ADAMTS20: variants seen among roughly 807,000 people sequenced by gnomAD.
The protein encoded by ADAMTS20 is ADAM metallopeptidase with thrombospondin type 1 motif 20.
Under a neutral mutation model 260.1 loss-of-function variants are expected in ADAMTS20, and 225 were observed. The observed-to-expected ratio is 0.87, with a 90% confidence interval of 0.78 to 0.97. The LOEUF (loss-of-function observed/expected upper bound fraction) is 0.97, where lower values mean the gene tolerates loss of function less well. ADAMTS20 is among the 50% of genes least tolerant of loss of function. The pLI is 0.00. For missense variants in ADAMTS20, 2,400 were observed against 2,337.7 expected (o/e 1.03, Z -0.55); for synonymous variants, 802 against 769.5 (o/e 1.04, Z -0.70).
At chr12:43,525,019 A>C (rs188299157) in intron 3 of ADAMTS20, among the ~76,000 whole-genome samples, 1 of 152,360 alleles carries the variant, frequency 6.6e-6, no homozygotes, top group East Asian at 1.9e-4. Flanking sequence ...AAAATACAAG[A>C]AGCTCAAAGC....
chr12:43,499,158 A>G (rs955950405), intron 4 of ADAMTS20, among the ~76,000 whole-genome samples: 3 of 152,062 alleles, frequency 2.0e-5, no homozygotes, highest in African/African-American at 7.2e-5. Flanking sequence ...CTCCTACCCC[A>G]CTTATATTTG....
rs1939687187 is a variant in ADAMTS20 at position 43,353,900 on chromosome 12, C to T, written c.*309G>A. 1 of 190,970 alleles carries T rather than the reference C, an allele frequency of 5.2e-6. No individual in the cohort carries two copies. The highest frequency in any genetic ancestry group is 1.4e-4 in the South Asian group (1 of 7,106). 11.8% of individuals were successfully genotyped at this position (190,970 alleles called of 1,614,324 possible). A position where few individuals can be genotyped will look rare whatever the true frequency, so the allele number is the denominator to read the frequency against. On this transcript the variant is annotated 3_prime_UTR_variant, in exon 39 of 39. Transcript: ENST00000389420. The stretch of plus-strand genomic sequence containing the variant: ...TTATAGGTATAAAATAAGTGTGGTC[C>T]AGGCCAAGATGTTAAGAGCAACACT...
intron 28 of ADAMTS20, among the ~76,000 whole-genome samples, chr12:43,404,025 G>T (rs1463302701): frequency 6.6e-6 from 1 of 152,036 alleles, no homozygotes; most frequent in African/African-American, 2.4e-5. Context: ...TCTGATGGAG[G>T]ATGTCTGATG....
chr12:43,411,942 A>C (rs1465096108), intron 28 of ADAMTS20, among the ~76,000 whole-genome samples: 1 of 152,168 alleles, frequency 6.6e-6, no homozygotes, highest in African/African-American at 2.4e-5. Context: ...GTACCTCCTC[A>C]ATGTATACCA....
chr12:43,487,372 A>G (rs536544099), intron 7 of ADAMTS20, among the ~76,000 whole-genome samples: 1 of 143,846 alleles, frequency 7.0e-6, no homozygotes, highest in African/African-American at 2.5e-5. Context: ...AGCTATGGGT[A>G]TGCAAAGGCA....
chr12:43,392,843 T>C (rs1478350063), intron 29 of ADAMTS20, among the ~76,000 whole-genome samples: 1 of 152,114 alleles, frequency 6.6e-6, no homozygotes, highest in East Asian at 1.9e-4. Context: ...TTTCTCTGCA[T>C]ATTCTTTAAA....
intron 28 of ADAMTS20, among the ~76,000 whole-genome samples, chr12:43,400,712 T>TA (rs1005736510): frequency 1.5e-4 from 22 of 147,566 alleles, no homozygotes; most frequent in East Asian, 2.0e-4. Flanking sequence ...TATTCTATAC[T>TA]AAAAAAAAAA....
chr12:43,511,231 C>T (rs1295765334), intron 3 of ADAMTS20, among the ~76,000 whole-genome samples: 3 of 152,100 alleles, frequency 2.0e-5, no homozygotes, highest in African/African-American at 7.2e-5. Context: ...CCGCTGTCTT[C>T]AATCTCTTGT....
chr12:43,501,055 C>CTTTTTTTTTTTT (rs79075751), intron 4 of ADAMTS20, among the ~76,000 whole-genome samples: 17 of 104,866 alleles, frequency 1.6e-4, no homozygotes, highest in Non-Finnish European at 2.6e-4. Context: ...CTATGTAATT[C>CTTTTTTTTTTTT]TTTTTTTTTT....
intron 16 of ADAMTS20, among the ~76,000 whole-genome samples, chr12:43,442,056 G>A (rs1023453387): frequency 5.9e-5 from 9 of 151,970 alleles, no homozygotes; most frequent in Non-Finnish European, 1.0e-4. Context: ...TTAAATTTAA[G>A]GGAAATAAAC....
intron 7 of ADAMTS20, among the ~76,000 whole-genome samples, chr12:43,486,393 G>C (rs1173781803): frequency 6.6e-6 from 1 of 152,112 alleles, no homozygotes; most frequent in African/African-American, 2.4e-5. Context: ...GAATGAAACT[G>C]TATCCCTATA....
chr12:43,430,623 C>G (rs1244926663), intron 22 of ADAMTS20, among the ~76,000 whole-genome samples, 152 bp from the exon 23 acceptor site: 1 of 151,796 alleles, frequency 6.6e-6, no homozygotes, highest in Non-Finnish European at 1.5e-5. Flanking sequence ...AGAGCAAATT[C>G]AATAAATATG....
At chr12:43,535,679 A>G (rs1943285220) in intron 2 of ADAMTS20, among the ~76,000 whole-genome samples, 1 of 152,210 alleles carries the variant, frequency 6.6e-6, no homozygotes, top group Non-Finnish European at 1.5e-5. Flanking sequence ...GGTGCTAATA[A>G]AAGATACATA....
intron 4 of ADAMTS20, among the ~76,000 whole-genome samples, chr12:43,500,830 T>G (rs1230343980): frequency 6.6e-6 from 1 of 152,138 alleles, no homozygotes; most frequent in Non-Finnish European, 1.5e-5. Context: ...ACAATAAGAA[T>G]TTAAGGTAAA....
chr12:43,472,640 G>A (rs1271970695), intron 7 of ADAMTS20, among the ~76,000 whole-genome samples: 7 of 134,976 alleles, frequency 5.2e-5, no homozygotes, highest in East Asian at 2.3e-4. Flanking sequence ...CGGATCTCTC[G>A]GCAGAAACCC....
chr12:43,474,469 A>G (rs1426050337), intron 7 of ADAMTS20, among the ~76,000 whole-genome samples: 1 of 147,818 alleles, frequency 6.8e-6, no homozygotes, highest in Non-Finnish European at 1.5e-5. Context: ...AAAAGAGGGA[A>G]TCCTCCCTAA....
chr12:43,466,812 A>G lies in ADAMTS20; in HGVS notation c.1224-17T>C. The G allele has an allele frequency of 1.3e-6, 2 of 1,559,282 alleles. No individual in the cohort carries two copies. Among genetic ancestry groups the G allele is most frequent in the Non-Finnish European group, 8.8e-7 (1 of 1,139,058 alleles). The stretch of plus-strand genomic sequence containing the variant: ...ACACCAAGTCTAAAAATAAAAATAA[A>G]CACTTAAAAGGAATATCAAAAGATG... On this transcript the variant is annotated splice_polypyrimidine_tract_variant and intron_variant, in intron 8 of 38. Transcript: ENST00000389420.
At chr12:43,374,152 T>G (rs564403383) in intron 36 of ADAMTS20, among the ~76,000 whole-genome samples, 41 of 152,220 alleles carry the variant, frequency 2.7e-4, no homozygotes, top group African/African-American at 9.4e-4. Context: ...ACCCAGACAG[T>G]CTAGAGTTTA....
intron 3 of ADAMTS20, among the ~76,000 whole-genome samples, chr12:43,508,362 G>T (rs1942874802): frequency 6.6e-6 from 1 of 152,016 alleles, no homozygotes; most frequent in Admixed American, 6.6e-5. Context: ...ACAACATACA[G>T]AGCTTAAGAA....
Sources: gnomAD v4.1 joint callset for allele counts (sites outside exome capture counted in the v4.1 genomes callset) on GRCh38, gnomAD v4.1.1 for gene constraint, MANE v1.5 for transcripts, NCBI Gene and HGNC (gene_info 2026-07-23, HGNC 2026-07-21) for gene names.